The following EPN1 variants were observed in gnomAD, a reference collection of about 807,000 sequenced individuals.
EPN1 encodes epsin-1.
EPN1 carries 25 observed loss-of-function variants against 56.9 expected under a neutral mutation model. The observed-to-expected ratio is 0.44, with a 90% CI of 0.32 to 0.61. The LOEUF is 0.61. EPN1 is among the 20% of genes least tolerant of loss of function. EPN1 has a pLI of 0.05. For synonymous variants in EPN1, 411 were observed against 361.8 expected, an observed-to-expected ratio of 1.14 and a Z score of -1.54; for missense variants, 785 against 823.7, an observed-to-expected ratio of 0.95 and a Z score of 0.58.
chr19:55,683,354 CTTAT>C (rs1270703095), intron 2 of EPN1, among the ~76,000 whole-genome samples: 4 of 151,782 alleles, frequency 2.6e-5, no homozygotes, highest in Admixed American at 6.6e-5. Context: ...CATGCCCGGC[CTTAT>C]TTATTTATTT....
At chr19:55,687,880 G>C (rs1171127891) in intron 3 of EPN1, among the ~76,000 whole-genome samples, 1 of 152,220 alleles carries the variant, frequency 6.6e-6, no homozygotes, top group Non-Finnish European at 1.5e-5. Context: ...ACCCGGTGCA[G>C]GTGGGGCCGC....
At chr19:55,678,282 G>A (rs888978754) in intron 1 of EPN1, among the ~76,000 whole-genome samples, 5 of 152,238 alleles carry the variant, frequency 3.3e-5, no homozygotes, top group African/African-American at 1.2e-4. Context: ...TTGCCAGGAA[G>A]TGCTGAGCCA....
At chr19:55,683,507 A>G (rs576380198) in intron 2 of EPN1, among the ~76,000 whole-genome samples, 48 of 151,914 alleles carry the variant, frequency 3.2e-4, no homozygotes, top group Admixed American at 2.4e-3. Context: ...GTGCACCGCC[A>G]CACCTGGCCA....
rs1205234999 is a variant in EPN1, at chr19:55,702,611, TGTG to T, written c.*7259_*7261del. The T allele has an allele frequency of 6.6e-6, 1 of 152,178 alleles. No individual in the cohort carries two copies. The highest frequency in any genetic ancestry group is 2.4e-5 in the African/African-American group (1 of 41,412). The allele number at this position is 152,178 out of a possible 1,614,324, so 9.4% of individuals were successfully genotyped here. Reference sequence around the variant, plus strand: ...GAAGTGATTTCTTTGAACTGCGTGGTGTGGTGAGAAAGGGAGCAATTTCTAAGC... The same window carrying T: ...GAAGTGATTTCTTTGAACTGCGTGGTGTGAGAAAGGGAGCAATTTCTAAGC... On this transcript the variant is annotated 3_prime_UTR_variant, in exon 11 of 11. Coordinates refer to ENST00000270460, the MANE Select transcript of EPN1 (RefSeq NM_001130072.2).
At chr19:55,677,237 G>C (rs1568562387) in intron 1 of EPN1, 1 of 1,366,494 alleles carries the variant, frequency 7.3e-7, no homozygotes, top group African/African-American at 1.4e-5. Context: ...CCCTGGGCAA[G>C]GGGCTGAACC....
rs555032815 is a variant in EPN1 at position 55,690,157 on chromosome 19, A to G, written c.762+207A>G. 2.0e-3 allele frequency among the ~76,000 whole-genome samples: 302 copies of G among 152,142 alleles called. 1 individual carries two copies. The highest frequency in any genetic ancestry group is 6.8e-3 in the African/African-American group (282 of 41,490). On this transcript the variant is annotated intron_variant, in intron 6 of 10. Transcript: ENST00000270460. Reference sequence around the variant, plus strand: ...TGACTGACCAGGCTGCCCTGCGGCCACCTCCTGTGGTCAGCGCTGGCCATC... The same window carrying G: ...TGACTGACCAGGCTGCCCTGCGGCCGCCTCCTGTGGTCAGCGCTGGCCATC...
intron 2 of EPN1, among the ~76,000 whole-genome samples, chr19:55,683,063 G>GT (rs938117075): frequency 1.3e-5 from 2 of 149,010 alleles, no homozygotes; most frequent in African/African-American, 2.5e-5. Context: ...CCTGTTTTTT[G>GT]TTTTTTCTTG....
In EPN1 at chr19:55,689,147, G is replaced by A. The variant is rs1355612461; in HGVS notation, c.604-150G>A. 6.1e-5 allele frequency: 72 copies of A among 1,184,472 alleles called. No individual in the cohort carries two copies. Among genetic ancestry groups the A allele is most frequent in the Admixed American group, 1.4e-4 (6 of 41,856 alleles). The allele number at this position is 1,184,472 out of a possible 1,614,324, so 73.4% of individuals were successfully genotyped here. ...CCCAGTCCTGCCTCATCCTCACCCCGCCGTCCCTCTGCGTGTCACTCTCTG... is the reference window on the plus strand; with the variant it reads ...CCCAGTCCTGCCTCATCCTCACCCCACCGTCCCTCTGCGTGTCACTCTCTG... On this transcript the variant is annotated intron_variant, in intron 4 of 10. Transcript: ENST00000270460. The surrounding 1 kb of genome is among the most constrained non-coding windows in gnomAD (Gnocchi z 5.7).
At position 55,689,896 on chromosome 19, in the gene EPN1, G is replaced by T; in HGVS notation, c.708G>T (p.Leu236=). The change falls in exon 6 of 11, where the codon CTG becomes CTT. Residue 236 remains leucine (L), a synonymous_variant. Transcript: ENST00000270460. This position sits in a 1 kb window ranked among gnomAD's most constrained non-coding sequence, Gnocchi z 5.7. ...AGCGGATCCGTCGCGGGGATGACCTGCGGCTGCAGATGGCAATCGAGGAGA... is the reference window on the plus strand; with the variant it reads ...AGCGGATCCGTCGCGGGGATGACCTTCGGCTGCAGATGGCAATCGAGGAGA... ...KEERIRRGDD[L]RLQMAIEESK... is the part of the protein sequence containing the mutation. The T allele has an allele frequency of 6.2e-7, 1 of 1,606,544 alleles. No individual in the cohort carries two copies.
intron 3 of EPN1, among the ~76,000 whole-genome samples, chr19:55,688,220 G>A (rs749365198): frequency 1.8e-4 from 27 of 152,126 alleles, no homozygotes; most frequent in Non-Finnish European, 2.5e-4. Flanking sequence ...ACAGTGTCAG[G>A]ACAGAGTTTG....
At chr19:55,680,693 G>A (rs551673501) in intron 2 of EPN1, 18 of 152,514 alleles carry the variant, frequency 1.2e-4, no homozygotes, top group African/African-American at 3.8e-4. Flanking sequence ...GGGTCCAGGA[G>A]GGGGTCCCTG....
chr19:55,701,621 T>G lies in EPN1; in HGVS notation c.*6265T>G, dbSNP rs1207567459. 6.6e-6 allele frequency: 1 copy of G among 152,118 alleles called. No individual in the cohort carries two copies. Among genetic ancestry groups the G allele is most frequent in the Admixed American group, 6.5e-5 (1 of 15,270 alleles). The allele number at this position is 152,118 out of a possible 1,614,324, so 9.4% of individuals were successfully genotyped here. A position where few individuals can be genotyped will look rare whatever the true frequency, so the allele number is the denominator to read the frequency against. On this transcript the variant is annotated 3_prime_UTR_variant, in exon 11 of 11. Coordinates refer to ENST00000270460, the MANE Select transcript of EPN1 (RefSeq NM_001130072.2). The stretch of plus-strand genomic sequence containing the variant: ...ATGAGAACTTCTCCCTGTTAGACCC[T>G]TAAAATACTGAGCTTTCGGGACCCT...
intron 2 of EPN1, among the ~76,000 whole-genome samples, chr19:55,681,309 C>T (rs562268202): frequency 6.6e-6 from 1 of 152,196 alleles, no homozygotes; most frequent in Admixed American, 6.5e-5. Flanking sequence ...TTCTTTTTCT[C>T]CTTTTCCTCT....
rs910564108 is a variant in EPN1 at position 55,694,528 on chromosome 19, C to T, written c.1265-198C>T. ...TTGTGTTTGCTCACTGGAATCAGAC[C>T]CACCTTATGGGAATCTGGGCTGACG... is the stretch of plus-strand genomic sequence containing the variant. On this transcript the variant is annotated intron_variant, in intron 9 of 10. Coordinates refer to ENST00000270460, the MANE Select transcript of EPN1 (RefSeq NM_001130072.2). The surrounding 1 kb of genome is among the most constrained non-coding windows in gnomAD (Gnocchi z 4.2). 2 of 529,262 alleles carry T rather than the reference C, an allele frequency of 3.8e-6. No homozygotes were observed. The highest frequency in any genetic ancestry group is 3.8e-5 in the Admixed American group (1 of 26,222). 32.8% of individuals were successfully genotyped at this position (529,262 alleles called of 1,614,324 possible).
chr19:55,692,890 GGAGGTGGGGGCT>G (rs1378961810), intron 8 of EPN1, 49 bp from the exon 9 acceptor site: 1 of 1,599,792 alleles, frequency 6.3e-7, no homozygotes, highest in Non-Finnish European at 8.6e-7. Flanking sequence ...CGCCTGGACT[GGAGGTGGGGGCT>G]GAGGCGGGGC....
At chr19:55,675,705 T>G (rs1985356821) in intron 1 of EPN1, among the ~76,000 whole-genome samples, 1 of 152,116 alleles carries the variant, frequency 6.6e-6, no homozygotes. Flanking sequence ...GATAGGAGTG[T>G]GTTTGTGTGT....
At position 55,692,016 on chromosome 19, in the gene EPN1, C is replaced by A; in HGVS notation, c.1025C>A (p.Ala342Asp). The change falls in exon 7 of 11, where the codon GCT (alanine) becomes GAT (aspartate). Residue 342 changes from alanine (A) to aspartate (D), a missense_variant. Physicochemically the swap from Ala to Asp is moderately radical, Grantham distance 126. Transcript: ENST00000270460. ...DPWGGTPAPA[A>D]GEGPTPDPWG... ...TGGGGTGGGACCCCAGCCCCTGCAG[C>A]TGGGGAGGGGCCCACGCCTGATCCA... is the stretch of plus-strand genomic sequence containing the variant. 1 of 1,474,530 alleles carries A rather than the reference C, an allele frequency of 6.8e-7. No individual in the cohort carries two copies. Among genetic ancestry groups the A allele is most frequent in the African/African-American group, 1.4e-5 (1 of 70,598 alleles). 91.3% of individuals were successfully genotyped at this position (1,474,530 alleles called of 1,614,324 possible). A position where few individuals can be genotyped will look rare whatever the true frequency, so the allele number is the denominator to read the frequency against.
intron 2 of EPN1, among the ~76,000 whole-genome samples, 165 bp from the exon 3 acceptor site, chr19:55,685,231 A>T (rs992797157): frequency 1.3e-5 from 2 of 152,210 alleles, no homozygotes; most frequent in African/African-American, 4.8e-5. Flanking sequence ...ATTCCTTTGC[A>T]TGGCCGTGTC....
chr19:55,681,179 G>A (rs1408133835), intron 2 of EPN1, among the ~76,000 whole-genome samples: 2 of 152,226 alleles, frequency 1.3e-5, no homozygotes, highest in East Asian at 3.9e-4. Context: ...GGCTCTGCAC[G>A]GCCTCCCTGC....
Sources: gnomAD v4.1 joint callset for allele counts (sites outside exome capture counted in the v4.1 genomes callset) on GRCh38, gnomAD v4.1.1 for gene constraint, Gnocchi (gnomAD v3.1) non-coding constraint, MANE v1.5 for transcripts, NCBI Gene and HGNC (gene_info 2026-07-23, HGNC 2026-07-21) for gene names.